The following SLC25A53 variants were observed in gnomAD, a reference collection of about 807,000 sequenced individuals.
SLC25A53 encodes solute carrier family 25 member 53, also known as mitochondrial carrier triple repeat protein 6.
In SLC25A53, 5 loss-of-function variants were observed where a neutral mutation model predicts 15.0. The observed-to-expected ratio is 0.33, with a 90% CI of 0.17 to 0.70. The LOEUF (loss-of-function observed/expected upper bound fraction) is 0.70, where lower values mean the gene tolerates loss of function less well. Ranked by LOEUF, SLC25A53 falls within the 30% of genes least tolerant of loss-of-function variation. The pLI is 0.67. For synonymous variants in SLC25A53, 95 were observed against 100.0 expected (o/e 0.95, Z 0.30); for missense variants, 216 against 241.6 (o/e 0.89, Z 0.70).
At position 104,105,031 on chromosome X, in the gene SLC25A53, T is replaced by C. The variant is rs1172620334; in HGVS notation, c.227A>G (p.Tyr76Cys). ...AGGAGGGTAGATTCCCCGGTAGAAG[T>C]ATTGAGGACCTTCATGCCAAAGCTG... Reference protein sequence around the residue: ...VRQLWHEGPQYFYRGIYPPLL... With the variant: ...VRQLWHEGPQCFYRGIYPPLL... The change falls in exon 2 of 2, where the codon TAC becomes TGC. Residue 76 changes from tyrosine to cysteine, a missense_variant. By Grantham distance (194) the Tyr-to-Cys change is radical. Transcript: ENST00000594199. The C allele has an allele frequency of 5.8e-6, 7 of 1,209,719 alleles. No homozygotes were observed. Among genetic ancestry groups the C allele is most frequent in the Non-Finnish European group, 7.8e-6 (7 of 895,141 alleles).
At chrX:104,149,628 C>G (rs2075479222) in intron 1 of SLC25A53, among the ~76,000 whole-genome samples, 1 of 112,037 alleles carries the variant, frequency 8.9e-6, no homozygotes, top group Non-Finnish European at 1.9e-5. Flanking sequence ...AGAAGCTACA[C>G]TGCCTCTCAT....
intron 1 of SLC25A53, among the ~76,000 whole-genome samples, chrX:104,153,361 T>G (rs1392038865): frequency 2.7e-5 from 3 of 110,607 alleles, no homozygotes; most frequent in African/African-American, 9.9e-5. Flanking sequence ...AAGTGCTGTA[T>G]ATCAGGTTTC....
At chrX:104,154,716 A>C (rs111995424) in intron 1 of SLC25A53, among the ~76,000 whole-genome samples, 4,369 of 112,203 alleles carry the variant, frequency 0.039, 184 homozygotes, top group African/African-American at 0.13. Context: ...GAAATAAGCC[A>C]GGCACAGAAA....
At chrX:104,114,903 C>G in intron 1 of SLC25A53, 1 of 1,202,775 alleles carries the variant, frequency 8.3e-7, no homozygotes, top group Admixed American at 2.2e-5. Flanking sequence ...GTAACTGCAA[C>G]GTGATAGAAA....
chrX:104,132,218 A>T lies in SLC25A53; in HGVS notation c.-32+24660T>A, dbSNP rs782394549. Among the ~76,000 whole-genome samples the T allele has an allele frequency of 3.6e-5, 4 of 112,342 alleles. No individual in the cohort carries two copies. The East Asian group carries it at 1.1e-3, about 31-fold the overall frequency. On this transcript the variant is annotated intron_variant, in intron 1 of 1. Coordinates refer to ENST00000594199, the MANE Select transcript of SLC25A53 (RefSeq NM_001012755.5). The stretch of plus-strand genomic sequence containing the variant: ...TGTAAAGCAGAGGTGATCCAGAGAT[A>T]TCAGGATAGGAGATATTTAATGAGT...
chrX:104,114,505 G>A, intron 1 of SLC25A53: 1 of 1,211,745 alleles, frequency 8.3e-7, no homozygotes, highest in Non-Finnish European at 1.1e-6. Context: ...GACTGCCCAT[G>A]GTAAATTTTT....
chrX:104,124,121 C>T (rs1300054184), intron 1 of SLC25A53, among the ~76,000 whole-genome samples: 3 of 111,480 alleles, frequency 2.7e-5, no homozygotes, highest in Non-Finnish European at 5.6e-5. Flanking sequence ...GATTCTAGAT[C>T]CTTGAGGAAT....
chrX:104,138,065 C>G (rs2075441415), intron 1 of SLC25A53, among the ~76,000 whole-genome samples: 1 of 111,687 alleles, frequency 9.0e-6, no homozygotes, highest in Non-Finnish European at 1.9e-5. Flanking sequence ...GGTTTTTAGG[C>G]TTTGTGCATT....
rs138615518 is a variant in SLC25A53, at chrX:104,099,707, A to C, written c.*4627T>G. 6.3e-5 allele frequency: 7 copies of C among 111,992 alleles called. No individual in the cohort carries two copies. The East Asian group carries it at 1.7e-3, about 27-fold the overall frequency. The allele number at this position is 111,992 out of a possible 1,213,427, so 9.2% of individuals were successfully genotyped here. A position where few individuals can be genotyped will look rare whatever the true frequency, so the allele number is the denominator to read the frequency against. ...AAAGCAAAGAAATTATTATTACAAA[A>C]GTCAGCATGGGGGCTACACCTAAGA... On this transcript the variant is annotated 3_prime_UTR_variant, in exon 2 of 2. Transcript: ENST00000594199.
intron 1 of SLC25A53, among the ~76,000 whole-genome samples, chrX:104,116,686 G>T (rs1253952479): frequency 9.0e-6 from 1 of 111,222 alleles, no homozygotes; most frequent in Admixed American, 9.5e-5. Context: ...GGACAAAAGG[G>T]TCTAGGCTGA....
At chrX:104,148,357 C>T (rs1179667279) in intron 1 of SLC25A53, among the ~76,000 whole-genome samples, 6 of 106,026 alleles carry the variant, frequency 5.7e-5, no homozygotes, top group Admixed American at 2.1e-4. Flanking sequence ...TGCTAAATGA[C>T]GAGTTAATGG....
At chrX:104,142,708 G>A (rs1279550426) in intron 1 of SLC25A53, among the ~76,000 whole-genome samples, 1 of 107,966 alleles carries the variant, frequency 9.3e-6, no homozygotes, top group Non-Finnish European at 1.9e-5. Flanking sequence ...GAGGTCAGGA[G>A]ATGGAGACCA....
intron 1 of SLC25A53, among the ~76,000 whole-genome samples, chrX:104,151,408 G>A (rs1047237593): frequency 2.7e-5 from 3 of 111,323 alleles, no homozygotes; most frequent in Non-Finnish European, 5.7e-5. Context: ...ATCTTATTTT[G>A]CAAAGCAAAA....
At chrX:104,115,390 A>AG (rs2075373082) in intron 1 of SLC25A53, 3 of 1,012,397 alleles carry the variant, frequency 3.0e-6, no homozygotes, top group East Asian at 3.3e-5. Context: ...ATAACAGGAG[A>AG]GGGGGGTGGG....
At chrX:104,112,087 C>A (rs1305862298) in intron 1 of SLC25A53, 3 of 111,849 alleles carry the variant, frequency 2.7e-5, no homozygotes, top group African/African-American at 9.8e-5. Context: ...CTCCTTCACA[C>A]GGCTGCTGAG....
Position 104,114,599 on chromosome X carries a change from G to A in SLC25A53, c.-31-9311C>T, listed in dbSNP as rs781918232. The A allele has an allele frequency of 2.5e-5, 30 of 1,210,199 alleles. No homozygotes were observed. The African/African-American group carries it at 4.2e-4, about 17-fold the overall frequency. ...CAGCTCCAGAATGCTATTCAGGCAG[G>A]CATCCTAGCTGAGAAAGATGCAAAC... On this transcript the variant is annotated intron_variant, in intron 1 of 1. Coordinates refer to ENST00000594199, the MANE Select transcript of SLC25A53 (RefSeq NM_001012755.5).
intron 1 of SLC25A53, among the ~76,000 whole-genome samples, chrX:104,134,122 C>G (rs782452787): frequency 1.8e-5 from 2 of 111,084 alleles, no homozygotes; most frequent in East Asian, 5.7e-4. Flanking sequence ...ATTTCCAAGG[C>G]AAAGGAAGGA....
intron 1 of SLC25A53, among the ~76,000 whole-genome samples, chrX:104,156,268 G>A (rs1313599951): frequency 9.0e-6 from 1 of 110,707 alleles, no homozygotes; most frequent in East Asian, 2.8e-4. Context: ...TCCCAGATGA[G>A]TTCGGTGGCA....
intron 1 of SLC25A53, among the ~76,000 whole-genome samples, chrX:104,144,269 T>C (rs1435166328): frequency 4.5e-5 from 5 of 111,884 alleles, no homozygotes; most frequent in Admixed American, 3.8e-4. Context: ...TGAACGTAAA[T>C]GGGCTACATG....
Sources: allele counts gnomAD v4.1 joint callset (sites outside exome capture counted in the v4.1 genomes callset), GRCh38; gene constraint gnomAD v4.1.1; transcripts MANE v1.5; gene names NCBI Gene and HGNC (gene_info 2026-07-23, HGNC 2026-07-21).